The following LRMDA variants were observed in gnomAD, a reference collection of about 807,000 sequenced individuals.
LRMDA encodes leucine-rich melanocyte differentiation-associated protein.
LRMDA carries 18 observed loss-of-function variants against 29.8 expected under a neutral mutation model. That is an observed-to-expected ratio of 0.60 (90% CI 0.42 to 0.90). The LOEUF (loss-of-function observed/expected upper bound fraction) is 0.90, where lower values mean the gene tolerates loss of function less well. LRMDA is among the 40% of genes least tolerant of loss of function. The probability of loss-of-function intolerance (pLI) is 0.00; values close to 1 mark genes in which losing one functional copy is unlikely to be tolerated. For synonymous variants in LRMDA, 125 were observed against 109.4 expected, an observed-to-expected ratio of 1.14 and a Z score of -0.89; for missense variants, 273 against 273.9, an observed-to-expected ratio of 1.00 and a Z score of 0.02.
intron 2 of LRMDA, among the ~76,000 whole-genome samples, chr10:75,792,730 A>G (rs546946632): frequency 7.2e-5 from 11 of 152,328 alleles, no homozygotes; most frequent in African/African-American, 2.2e-4. Context: ...ACTTGTACAA[A>G]TTAATTAATG....
chr10:75,675,293 G>A (rs566977134), intron 2 of LRMDA, among the ~76,000 whole-genome samples: 1 of 152,150 alleles, frequency 6.6e-6, no homozygotes, highest in East Asian at 1.9e-4. Flanking sequence ...TCTGTTGTGA[G>A]GTGTTGCTAG....
rs181722994 is a variant in LRMDA at position 75,516,997 on chromosome 10, A to G, written c.131+78503A>G. On this transcript the variant is annotated intron_variant, in intron 2 of 6. Transcript: ENST00000611255. ...CTTGTTTTTGTCAGGTTTGTCAAAG[A>G]TCACATGGTTGTAGTTGTGTGGTGT... Among the ~76,000 whole-genome samples, 928 of 152,218 alleles carry G rather than the reference A, an allele frequency of 6.1e-3. 17 individuals carry two copies. The highest frequency in any genetic ancestry group is 0.021 in the African/African-American group (882 of 41,494).
At chr10:76,086,466 T>G (rs146297441) in intron 5 of LRMDA, among the ~76,000 whole-genome samples, 4 of 152,222 alleles carry the variant, frequency 2.6e-5, no homozygotes, top group African/African-American at 7.2e-5. Flanking sequence ...TTCATCAAAC[T>G]CATCATTCAG....
At chr10:75,851,736 G>C (rs1303712592) in intron 2 of LRMDA, among the ~76,000 whole-genome samples, 4 of 152,140 alleles carry the variant, frequency 2.6e-5, no homozygotes, top group Non-Finnish European at 5.9e-5. Context: ...ACTTTCTCTG[G>C]AAGTCACTGA....
chr10:76,235,982 G>C (rs1171380914), intron 5 of LRMDA, among the ~76,000 whole-genome samples: 3 of 152,222 alleles, frequency 2.0e-5, no homozygotes, highest in Admixed American at 2.0e-4. Flanking sequence ...TATAGTTTGG[G>C]GTGGTACATT....
intron 6 of LRMDA, among the ~76,000 whole-genome samples, chr10:76,467,202 T>C (rs1278205865): frequency 1.3e-5 from 2 of 152,224 alleles, no homozygotes; most frequent in Non-Finnish European, 2.9e-5. Flanking sequence ...GTGTGGCTTC[T>C]TCTGTCCTGT....
chr10:76,376,000 TG>T (rs1279340042), intron 6 of LRMDA, among the ~76,000 whole-genome samples: 3 of 151,918 alleles, frequency 2.0e-5, no homozygotes. Context: ...TCATAGTTTT[TG>T]GGTTTTTTTT....
chr10:75,739,556 T>C (rs1327548124), intron 2 of LRMDA, among the ~76,000 whole-genome samples: 1 of 152,170 alleles, frequency 6.6e-6, no homozygotes, highest in Non-Finnish European at 1.5e-5. Flanking sequence ...TCAGGCCATA[T>C]ATTATCGTTG....
intron 5 of LRMDA, among the ~76,000 whole-genome samples, chr10:76,104,471 T>TTTC (rs1286522628): frequency 1.3e-5 from 2 of 152,002 alleles, no homozygotes. Context: ...CATCCAGGAC[T>TTTC]ATAGCCTTTC....
intron 5 of LRMDA, among the ~76,000 whole-genome samples, chr10:76,306,980 A>G (rs1340807790): frequency 6.6e-6 from 1 of 152,178 alleles, no homozygotes; most frequent in Non-Finnish European, 1.5e-5. Context: ...CTGTTGACAT[A>G]TATATGTGTG....
chr10:75,973,974 G>C (rs1453966192), intron 2 of LRMDA, among the ~76,000 whole-genome samples: 1 of 152,080 alleles, frequency 6.6e-6, no homozygotes, highest in African/African-American at 2.4e-5. Flanking sequence ...CTTACCTATT[G>C]GTCTGAGCTC....
At chr10:76,132,748 CAG>C (rs1445421424) in intron 5 of LRMDA, among the ~76,000 whole-genome samples, 1 of 152,088 alleles carries the variant, frequency 6.6e-6, no homozygotes, top group South Asian at 2.1e-4. Context: ...GTGAAACTTA[CAG>C]AGTCTTGACC....
intron 2 of LRMDA, among the ~76,000 whole-genome samples, chr10:75,871,016 G>A (rs1278975393): frequency 6.6e-6 from 1 of 152,170 alleles, no homozygotes; most frequent in Non-Finnish European, 1.5e-5. Context: ...TGCTTAATCT[G>A]TGAGGATATT....
chr10:75,877,295 G>A (rs1272181053), intron 2 of LRMDA, among the ~76,000 whole-genome samples: 1 of 152,210 alleles, frequency 6.6e-6, no homozygotes, highest in Non-Finnish European at 1.5e-5. Flanking sequence ...TCTGCCATGA[G>A]TTGGCCTCGT....
intron 6 of LRMDA, among the ~76,000 whole-genome samples, chr10:76,357,179 T>C (rs751670110): frequency 7.9e-5 from 12 of 152,132 alleles, no homozygotes; most frequent in Admixed American, 6.6e-4. Context: ...GGAGAGTATA[T>C]AAAGGAGCTT....
intron 5 of LRMDA, among the ~76,000 whole-genome samples, chr10:76,299,599 C>CTT (rs369236399): frequency 4.1e-5 from 4 of 97,850 alleles, no homozygotes; most frequent in African/African-American, 4.7e-5. Context: ...ACCCCCCTTC[C>CTT]TTTCTTTTTT....
chr10:76,298,550 A>G (rs1188196659), intron 5 of LRMDA, among the ~76,000 whole-genome samples: 3 of 152,222 alleles, frequency 2.0e-5, no homozygotes. Flanking sequence ...AAGTCTGTCA[A>G]GAACTCAGTC....
At chr10:75,729,548 T>C (rs1322551652) in intron 2 of LRMDA, among the ~76,000 whole-genome samples, 1 of 152,164 alleles carries the variant, frequency 6.6e-6, no homozygotes, top group Non-Finnish European at 1.5e-5. Context: ...ATGTGACTGC[T>C]GAAACCAAGA....
At chr10:76,044,653 C>T (rs1848399446) in intron 3 of LRMDA, among the ~76,000 whole-genome samples, 1 of 152,120 alleles carries the variant, frequency 6.6e-6, no homozygotes, top group Admixed American at 6.5e-5. Flanking sequence ...CCCCTCTGTA[C>T]TCCCAACCTC....
Sources: gnomAD v4.1 joint callset for allele counts (sites outside exome capture counted in the v4.1 genomes callset) on GRCh38, gnomAD v4.1.1 for gene constraint, MANE v1.5 for transcripts, NCBI Gene and HGNC (gene_info 2026-07-23, HGNC 2026-07-21) for gene names.